The following NYAP2 variants were observed in gnomAD, a reference collection of about 807,000 sequenced individuals.
The protein encoded by NYAP2 is neuronal tyrosine-phosphorylated phosphoinositide-3-kinase adaptor 2.
Under a neutral mutation model 50.4 loss-of-function variants are expected in NYAP2, and 23 were observed. The ratio of observed to expected loss-of-function variants is 0.46; its 90% CI spans 0.33 to 0.65. The LOEUF is 0.65. NYAP2 is among the 30% of genes least tolerant of loss of function. NYAP2 has a pLI of 0.02. For synonymous variants in NYAP2, 394 were observed against 365.2 expected, an observed-to-expected ratio of 1.08 and a Z score of -0.90; for missense variants, 885 against 861.0, an observed-to-expected ratio of 1.03 and a Z score of -0.35.
rs190696488 is a variant in NYAP2, at chr2:225,411,417, G to C, written c.221+2316G>C. 1.7e-3 allele frequency among the ~76,000 whole-genome samples: 263 copies of C among 152,228 alleles called. 1 individual carries two copies. The highest frequency in any genetic ancestry group is 0.016 in the Admixed American group (238 of 15,272). Reference sequence around the variant, plus strand: ...GGAGCAGGTTTAGCGTAACTGATGGGGGGGCAGGAGCTCAGCTTTGGTATG... The same window carrying C: ...GGAGCAGGTTTAGCGTAACTGATGGCGGGGCAGGAGCTCAGCTTTGGTATG... On this transcript the variant is annotated intron_variant, in intron 3 of 6. Coordinates refer to ENST00000636099, the Ensembl canonical transcript of NYAP2.
At chr2:225,650,255 C>T (rs1693708029) in intron 6 of NYAP2, among the ~76,000 whole-genome samples, 2 of 152,182 alleles carry the variant, frequency 1.3e-5, no homozygotes, top group South Asian at 4.1e-4. Flanking sequence ...CAATGCTTTT[C>T]TCTGAAGTGC....
intron 5 of NYAP2, among the ~76,000 whole-genome samples, chr2:225,608,985 A>C (rs939577185): frequency 1.3e-5 from 2 of 152,140 alleles, no homozygotes; most frequent in East Asian, 3.9e-4. Flanking sequence ...TTGTAATCAC[A>C]CTGGCCTGAA....
intron 4 of NYAP2, among the ~76,000 whole-genome samples, chr2:225,544,874 T>C (rs1574669606): frequency 6.6e-6 from 1 of 152,318 alleles, no homozygotes; most frequent in South Asian, 2.1e-4. Flanking sequence ...AGGTCTGGTA[T>C]TGGTGAAATC....
At chr2:225,622,537 CT>C (rs1450892695) in intron 5 of NYAP2, among the ~76,000 whole-genome samples, 3 of 64,746 alleles carry the variant, frequency 4.6e-5, no homozygotes, top group Non-Finnish European at 9.1e-5. Context: ...TTCTTTCTTT[CT>C]TTCTTTCTTT....
chr2:225,558,920 G>A (rs905538992), intron 4 of NYAP2, among the ~76,000 whole-genome samples: 1 of 151,974 alleles, frequency 6.6e-6, no homozygotes, highest in Admixed American at 6.6e-5. Flanking sequence ...ATACATCTGG[G>A]GGCTGAGTAC....
At chr2:225,474,800 A>G (rs1690076075) in intron 3 of NYAP2, among the ~76,000 whole-genome samples, 1 of 152,154 alleles carries the variant, frequency 6.6e-6, no homozygotes, top group African/African-American at 2.4e-5. Context: ...AATACCCTTT[A>G]TTTCTTTCTC....
the NYAP2 span, among the ~76,000 whole-genome samples, chr2:225,669,595 C>T: frequency 6.6e-6 from 1 of 151,968 alleles, no homozygotes; most frequent in Non-Finnish European, 1.5e-5. Flanking sequence ...GTAATGTCAA[C>T]CCTATGAAAA....
chr2:225,661,897 T>C, the NYAP2 span, among the ~76,000 whole-genome samples: 2 of 152,108 alleles, frequency 1.3e-5, no homozygotes, highest in Non-Finnish European at 2.9e-5. Context: ...CTAATTTTTG[T>C]ATTTTTAATA....
At chr2:225,548,173 T>C (rs549875108) in intron 4 of NYAP2, among the ~76,000 whole-genome samples, 10 of 152,020 alleles carry the variant, frequency 6.6e-5, no homozygotes, top group African/African-American at 2.2e-4. Context: ...ATGTTGTCTG[T>C]GGAAAATTTT....
At chr2:225,460,992 CAAAAAA>C (rs869283101) in intron 3 of NYAP2, among the ~76,000 whole-genome samples, 1 of 43,066 alleles carries the variant, frequency 2.3e-5, no homozygotes, top group African/African-American at 6.0e-5. Context: ...GACTCTGTCT[CAAAAAA>C]AAAAAAAAAA....
intron 3 of NYAP2, among the ~76,000 whole-genome samples, chr2:225,512,407 C>G (rs1252580186): frequency 6.6e-6 from 1 of 152,152 alleles, no homozygotes; most frequent in Non-Finnish European, 1.5e-5. Flanking sequence ...ACTGAAGATT[C>G]TGGAGGATTG....
At chr2:225,611,196 C>T (rs1329673308) in intron 5 of NYAP2, among the ~76,000 whole-genome samples, 2 of 152,110 alleles carry the variant, frequency 1.3e-5, no homozygotes, top group African/African-American at 4.8e-5. Flanking sequence ...CCCCTAGTTT[C>T]CAGACACTTC....
intron 6 of NYAP2, among the ~76,000 whole-genome samples, chr2:225,644,249 G>T (rs1449110946): frequency 6.6e-6 from 1 of 152,208 alleles, no homozygotes; most frequent in Non-Finnish European, 1.5e-5. Context: ...CTTTTGAGAA[G>T]TGTCTGTTCA....
intron 4 of NYAP2, among the ~76,000 whole-genome samples, chr2:225,520,406 G>C (rs900018632): frequency 3.9e-5 from 6 of 152,054 alleles, no homozygotes; most frequent in African/African-American, 7.2e-5. Context: ...ATGGTTTTAG[G>C]TCTAACATTT....
At chr2:225,417,847 C>T (rs1195513974) in intron 3 of NYAP2, among the ~76,000 whole-genome samples, 1 of 152,022 alleles carries the variant, frequency 6.6e-6, no homozygotes, top group Non-Finnish European at 1.5e-5. Flanking sequence ...TTATGTCAGT[C>T]ATTGCTCTAG....
intron 4 of NYAP2, among the ~76,000 whole-genome samples, chr2:225,554,843 A>T (rs1327638078): frequency 3.3e-5 from 5 of 152,150 alleles, no homozygotes; most frequent in African/African-American, 1.2e-4. Context: ...ACAATGTGAG[A>T]TGATAGATAT....
chr2:225,568,438 G>A (rs1692001094), intron 4 of NYAP2, among the ~76,000 whole-genome samples: 1 of 152,008 alleles, frequency 6.6e-6, no homozygotes, highest in Non-Finnish European at 1.5e-5. Context: ...TCATCATCCT[G>A]CTTCTTCAAG....
At chr2:225,567,057 G>A (rs1310166241) in intron 4 of NYAP2, among the ~76,000 whole-genome samples, 2 of 152,120 alleles carry the variant, frequency 1.3e-5, no homozygotes, top group African/African-American at 2.4e-5. Flanking sequence ...AAACCCAGAC[G>A]GCATAGCTTT....
chr2:225,432,123 G>A (rs969559552), intron 3 of NYAP2, among the ~76,000 whole-genome samples: 1 of 149,258 alleles, frequency 6.7e-6, no homozygotes, highest in Non-Finnish European at 1.5e-5. Flanking sequence ...GCCTACACAT[G>A]CCTGCCACCA....
Sources: gnomAD v4.1 joint callset for allele counts (sites outside exome capture counted in the v4.1 genomes callset) on GRCh38, gnomAD v4.1.1 for gene constraint, MANE v1.5 for transcripts, NCBI Gene and HGNC (gene_info 2026-07-23, HGNC 2026-07-21) for gene names.